Variants in XPA observed in about 807,000 individuals in gnomAD.
XPA encodes DNA repair protein complementing XP-A cells.
XPA carries 27 observed loss-of-function variants against 35.7 expected under a neutral mutation model. The observed-to-expected ratio is 0.76, with a 90% CI of 0.56 to 1.04. The LOEUF (loss-of-function observed/expected upper bound fraction) is 1.04, where lower values mean the gene tolerates loss of function less well. Among genes scored for constraint, XPA ranks in the 50% least tolerant of loss-of-function variants. XPA has a pLI of 0.00. For missense variants in XPA, 354 were observed against 342.7 expected (o/e 1.03, Z -0.26); for synonymous variants, 133 against 118.4 (o/e 1.12, Z -0.80).
At chr9:97,682,487 C>A (rs1828577878) in intron 5 of XPA, 1 of 518,010 alleles carries the variant, frequency 1.9e-6, no homozygotes, top group East Asian at 5.4e-5. Context: ...GACCTCTCTG[C>A]ACATTAAACA....
chr9:97,658,543 C>T, the XPA span: 3 of 905,694 alleles, frequency 3.3e-6, no homozygotes, highest in African/African-American at 3.3e-5. Context: ...CAGCTGAGTT[C>T]AAGTTGTTGG....
At chr9:97,657,864 G>A in the XPA span, among the ~76,000 whole-genome samples, 11 of 141,376 alleles carry the variant, frequency 7.8e-5, no homozygotes, top group African/African-American at 1.1e-4. Flanking sequence ...TCCCTGGTAT[G>A]TACATGAGGA....
the XPA span, among the ~76,000 whole-genome samples, chr9:97,656,261 T>C: frequency 6.6e-6 from 1 of 152,204 alleles, no homozygotes; most frequent in Non-Finnish European, 1.5e-5. Flanking sequence ...ATAGATTCCA[T>C]GTGAATTTAA....
chr9:97,667,301 A>G, the XPA span, among the ~76,000 whole-genome samples: 2 of 152,214 alleles, frequency 1.3e-5, no homozygotes, highest in African/African-American at 4.8e-5. Context: ...TACTTCTCAT[A>G]GTATTAATTT....
intron 3 of XPA, 54 bp from the exon 4 acceptor site, chr9:97,687,315 T>G (rs1428737866): frequency 6.7e-7 from 1 of 1,497,460 alleles, no homozygotes; most frequent in Non-Finnish European, 9.0e-7. Flanking sequence ...TAAGCTAAGT[T>G]TGCAAATAGC....
chr9:97,655,398 T>C, the XPA span, among the ~76,000 whole-genome samples: 2 of 152,112 alleles, frequency 1.3e-5, no homozygotes, highest in African/African-American at 4.8e-5. Context: ...CATAAAATTT[T>C]TTTTTTTCTT....
chr9:97,662,071 A>G, the XPA span: 2 of 1,613,736 alleles, frequency 1.2e-6, no homozygotes, highest in Non-Finnish European at 1.7e-6. Context: ...CCCATTGAAA[A>G]TAGAAGTCTT....
chr9:97,685,292 T>C (rs1828682645), intron 4 of XPA, among the ~76,000 whole-genome samples: 1 of 152,238 alleles, frequency 6.6e-6, no homozygotes, highest in Non-Finnish European at 1.5e-5. Context: ...GTCCTCTGAC[T>C]GTATTGTCAC....
At chr9:97,671,178 G>T, downstream of XPA, 2 of 1,611,934 alleles carry the variant, frequency 1.2e-6, no homozygotes, top group African/African-American at 1.3e-5. Flanking sequence ...TGTTCCAGCA[G>T]TTCTGTGCCC....
the XPA span, among the ~76,000 whole-genome samples, chr9:97,658,065 G>A: frequency 6.6e-6 from 1 of 151,342 alleles, no homozygotes; most frequent in African/African-American, 2.4e-5. Flanking sequence ...CTAGTTTCTA[G>A]TAAAGTAGTA....
At chr9:97,689,838 C>T (rs756014298) in intron 2 of XPA, among the ~76,000 whole-genome samples, 199 bp from the exon 3 acceptor site, 3 of 151,572 alleles carry the variant, frequency 2.0e-5, no homozygotes, top group Non-Finnish European at 2.9e-5. Flanking sequence ...AAGAAAAAAA[C>T]GTAGCAATTC....
At chr9:97,680,752 GAGA>G (rs1828515515) in intron 5 of XPA, among the ~76,000 whole-genome samples, 1 of 152,186 alleles carries the variant, frequency 6.6e-6, no homozygotes, top group South Asian at 2.1e-4. Context: ...TGCTGAGAAT[GAGA>G]AGGAGGTAGT....
At chr9:97,656,015 G>C in the XPA span, 1 of 1,613,518 alleles carries the variant, frequency 6.2e-7, no homozygotes, top group Non-Finnish European at 8.5e-7. Context: ...CCTTAGGTCA[G>C]ATTGTCTTAG....
intron 5 of XPA, among the ~76,000 whole-genome samples, chr9:97,680,050 A>G (rs1457072246): frequency 1.3e-5 from 2 of 152,238 alleles, no homozygotes; most frequent in Admixed American, 6.5e-5. Flanking sequence ...AGCAGCTATC[A>G]ATATGCATCA....
At chr9:97,662,068 A>C in the XPA span, 1 of 1,613,646 alleles carries the variant, frequency 6.2e-7, no homozygotes, top group South Asian at 1.1e-5. Flanking sequence ...TAACCCATTG[A>C]AAATAGAAGT....
chr9:97,690,941 T>C (rs3176659), intron 2 of XPA, among the ~76,000 whole-genome samples: 18,011 of 152,262 alleles, frequency 0.12, 3,031 homozygotes, highest in African/African-American at 0.37. Context: ...CTTTTTGCTA[T>C]GATAAGGATA....
At chr9:97,669,626 C>G in the XPA span, 513 of 1,612,506 alleles carry the variant, frequency 3.2e-4, no homozygotes, top group Middle Eastern at 5.0e-4. Context: ...GCACCTAGTA[C>G]GATGCGAAAC....
the XPA span, chr9:97,666,886 T>C: frequency 6.5e-7 from 1 of 1,547,768 alleles, no homozygotes; most frequent in African/African-American, 1.4e-5. Context: ...GGGTAAGTTT[T>C]GTGTAAACTT....
chr9:97,677,504 T>A (rs1464644079), intron 5 of XPA, among the ~76,000 whole-genome samples: 2 of 151,932 alleles, frequency 1.3e-5, no homozygotes, highest in Admixed American at 6.6e-5. Context: ...GAAACCCCAA[T>A]CTCTTAAAAT....
Sources: gnomAD v4.1 joint callset for allele counts (sites outside exome capture counted in the v4.1 genomes callset) on GRCh38, gnomAD v4.1.1 for gene constraint, MANE v1.5 for transcripts, NCBI Gene and HGNC (gene_info 2026-07-23, HGNC 2026-07-21) for gene names.